Variants in MAGI2 observed in about 807,000 individuals in gnomAD.
The protein encoded by MAGI2 is membrane associated guanylate kinase, WW and PDZ domain containing 2, also known as membrane-associated guanylate kinase, WW and PDZ domain-containing protein 2.
In MAGI2, 35 loss-of-function variants were observed where a neutral mutation model predicts 133.3. The observed-to-expected ratio is 0.26, with a 90% CI of 0.20 to 0.35. The LOEUF (loss-of-function observed/expected upper bound fraction) is 0.35, where lower values mean the gene tolerates loss of function less well. Among genes scored for constraint, MAGI2 ranks in the 10% least tolerant of loss-of-function variants. The probability of loss-of-function intolerance (pLI) is 1.00; values close to 1 mark genes in which losing one functional copy is unlikely to be tolerated. For missense variants in MAGI2, 1,636 were observed against 1,863.4 expected (o/e 0.88, Z 2.25); for synonymous variants, 729 against 710.6 (o/e 1.03, Z -0.41).
intron 11 of MAGI2, among the ~76,000 whole-genome samples, chr7:78,199,673 A>G (rs1031899407): frequency 1.3e-5 from 2 of 152,236 alleles, no homozygotes; most frequent in Admixed American, 1.3e-4. Context: ...CATGGAAGAC[A>G]TCAAATCTAC....
At chr7:78,655,789 G>C (rs1234017772) in intron 2 of MAGI2, among the ~76,000 whole-genome samples, 2 of 151,992 alleles carry the variant, frequency 1.3e-5, no homozygotes, top group African/African-American at 4.8e-5. Flanking sequence ...AGACCATCCT[G>C]GCTAACACGG....
intron 2 of MAGI2, among the ~76,000 whole-genome samples, chr7:78,711,527 C>G (rs1349780605): frequency 6.6e-6 from 1 of 151,802 alleles, no homozygotes; most frequent in Admixed American, 6.6e-5. Flanking sequence ...TTCTTTTTTC[C>G]CCTTAGAGCC....
At chr7:79,010,162 T>C (rs1562782792) in intron 1 of MAGI2, among the ~76,000 whole-genome samples, 1 of 152,074 alleles carries the variant, frequency 6.6e-6, no homozygotes, top group African/African-American at 2.4e-5. Context: ...ACAGTATGTG[T>C]GTATAACACA....
chr7:78,042,560 C>A (rs951518148), intron 21 of MAGI2, among the ~76,000 whole-genome samples: 1 of 152,182 alleles, frequency 6.6e-6, no homozygotes. Flanking sequence ...TGCTCCCTGA[C>A]CAAGCAGGTC....
At chr7:78,288,197 T>G (rs986539320) in intron 9 of MAGI2, among the ~76,000 whole-genome samples, 1 of 152,186 alleles carries the variant, frequency 6.6e-6, no homozygotes, top group Non-Finnish European at 1.5e-5. Context: ...TGAATAATTT[T>G]AACGGAATTC....
chr7:79,148,330 T>C lies in MAGI2; in HGVS notation c.302-141124A>G, dbSNP rs566107005. Among the ~76,000 whole-genome samples, 5 of 152,252 alleles carry C rather than the reference T, an allele frequency of 3.3e-5. No individual in the cohort carries two copies. In the South Asian group the frequency reaches 1.0e-3, roughly 32 times the overall value. ...GCCAATTCCTGTCATTGAATCTGTG[T>C]CTTGAGTGATGTTGGGTAGAAATTC... is the stretch of plus-strand genomic sequence containing the variant. On this transcript the variant is annotated intron_variant, in intron 1 of 21. Coordinates refer to ENST00000354212, the MANE Select transcript of MAGI2 (RefSeq NM_012301.4).
chr7:78,475,754 T>C (rs12705478), intron 6 of MAGI2, among the ~76,000 whole-genome samples: 17,454 of 151,392 alleles, frequency 0.12, 1,289 homozygotes, highest in South Asian at 0.22. Context: ...AGCCACAGGA[T>C]TGGGAACAAT....
At chr7:78,462,893 A>G (rs1403932755) in intron 6 of MAGI2, among the ~76,000 whole-genome samples, 2 of 152,192 alleles carry the variant, frequency 1.3e-5, no homozygotes, top group African/African-American at 2.4e-5. Flanking sequence ...ACAACTTAAC[A>G]TGAAGATATT....
chr7:78,892,655 C>G (rs543700785), intron 2 of MAGI2, among the ~76,000 whole-genome samples: 1 of 152,118 alleles, frequency 6.6e-6, no homozygotes, highest in Non-Finnish European at 1.5e-5. Context: ...ATAAATGGTG[C>G]TGGGAAAACT....
intron 20 of MAGI2, among the ~76,000 whole-genome samples, chr7:78,081,058 T>C (rs1380943304): frequency 6.6e-6 from 1 of 152,192 alleles, no homozygotes; most frequent in African/African-American, 2.4e-5. Flanking sequence ...GTACACATAC[T>C]GCTGTTCTTT....
At chr7:79,418,830 T>TAC (rs57172659) in intron 1 of MAGI2, among the ~76,000 whole-genome samples, 5,836 of 137,820 alleles carry the variant, frequency 0.042, 130 homozygotes, top group Middle Eastern at 0.12. Flanking sequence ...CCAATACACA[T>TAC]ACACACACAC....
intron 9 of MAGI2, among the ~76,000 whole-genome samples, chr7:78,325,446 G>A (rs1788488365): frequency 6.6e-6 from 1 of 152,126 alleles, no homozygotes; most frequent in Admixed American, 6.6e-5. Flanking sequence ...GTGATGTAAT[G>A]CCTGCTCCTC....
intron 2 of MAGI2, among the ~76,000 whole-genome samples, chr7:78,640,599 A>AGG (rs1810184511): frequency 6.8e-6 from 1 of 146,032 alleles, no homozygotes; most frequent in Non-Finnish European, 1.5e-5. Flanking sequence ...GGACTAATAG[A>AGG]GACATAATAC....
At position 78,999,613 on chromosome 7, in the gene MAGI2, C is replaced by T. The variant is rs141286223; in HGVS notation, c.418+7477G>A. On this transcript the variant is annotated intron_variant, in intron 2 of 21. Transcript: ENST00000354212. ...AGAAGGTAAACCTAATATAGCTTTC[C>T]GTAAAGTAATAACACATTTAATAAC... Among the ~76,000 whole-genome samples, 256 of 152,210 alleles carry T rather than the reference C, an allele frequency of 1.7e-3. 2 individuals are homozygous for T. Among genetic ancestry groups the T allele is most frequent in the African/African-American group, 5.8e-3 (242 of 41,538 alleles).
chr7:78,909,476 G>A (rs1472975106), intron 2 of MAGI2, among the ~76,000 whole-genome samples: 2 of 150,536 alleles, frequency 1.3e-5, no homozygotes, highest in Admixed American at 6.6e-5. Flanking sequence ...GGTGGCAGGC[G>A]CCTGTACTTC....
intron 1 of MAGI2, among the ~76,000 whole-genome samples, chr7:79,023,178 C>A (rs1809518765): frequency 6.6e-6 from 1 of 151,692 alleles, no homozygotes; most frequent in Non-Finnish European, 1.5e-5. Flanking sequence ...AAGTTTTGTT[C>A]AATATACAAA....
intron 6 of MAGI2, among the ~76,000 whole-genome samples, chr7:78,482,443 C>T (rs1423629180): frequency 6.6e-6 from 1 of 151,912 alleles, no homozygotes; most frequent in Non-Finnish European, 1.5e-5. Flanking sequence ...AACCTGTATG[C>T]AAACATTCAT....
intron 2 of MAGI2, among the ~76,000 whole-genome samples, chr7:78,867,772 A>G (rs1488882952): frequency 2.6e-5 from 4 of 152,194 alleles, no homozygotes; most frequent in African/African-American, 7.2e-5. Flanking sequence ...TGGGGAGACA[A>G]CAATAGACTG....
intron 2 of MAGI2, among the ~76,000 whole-genome samples, chr7:78,781,729 G>A (rs1051742295): frequency 6.6e-6 from 1 of 152,068 alleles, no homozygotes. Flanking sequence ...GAGAAATAAT[G>A]CTTTTATAAT....
Sources: allele counts gnomAD v4.1 joint callset (sites outside exome capture counted in the v4.1 genomes callset), GRCh38; gene constraint gnomAD v4.1.1; transcripts MANE v1.5; gene names NCBI Gene and HGNC (gene_info 2026-07-23, HGNC 2026-07-21).